The following SNX29 variants were observed in gnomAD, a reference collection of about 807,000 sequenced individuals.
The protein encoded by SNX29 is sorting nexin-29.
In SNX29, 78 loss-of-function variants were observed where a neutral mutation model predicts 102.1. The observed-to-expected ratio is 0.76, with a 90% CI of 0.64 to 0.92. SNX29 has a LOEUF of 0.92. Among genes scored for constraint, SNX29 ranks in the 40% least tolerant of loss-of-function variants. The pLI, the probability that SNX29 is intolerant of heterozygous loss-of-function variation, is 0.00. For missense variants in SNX29, 1,280 were observed against 1,061.7 expected, an observed-to-expected ratio of 1.21 and a Z score of -2.86; for synonymous variants, 580 against 414.5, an observed-to-expected ratio of 1.40 and a Z score of -4.85.
intron 14 of SNX29, among the ~76,000 whole-genome samples, chr16:12,266,473 C>T (rs1375172191): frequency 6.6e-6 from 1 of 152,116 alleles, no homozygotes; most frequent in African/African-American, 2.4e-5. Flanking sequence ...CCGTGGTCTA[C>T]CAGTCATCTC....
At chr16:12,199,761 T>G (rs1481955976) in intron 14 of SNX29, 78 bp downstream of exon 14, 1 of 1,193,372 alleles carries the variant, frequency 8.4e-7, no homozygotes, top group Non-Finnish European at 1.2e-6. Context: ...CAATAGACAC[T>G]CAATGTGTGA....
chr16:12,566,071 A>T (rs564510279), intron 20 of SNX29, among the ~76,000 whole-genome samples: 117 of 152,286 alleles, frequency 7.7e-4, no homozygotes, highest in Non-Finnish European at 1.1e-3. Context: ...TTGTCTCTCT[A>T]GGCACTTGAT....
At chr16:12,108,340 G>A (rs1388620836) in intron 11 of SNX29, among the ~76,000 whole-genome samples, 3 of 152,178 alleles carry the variant, frequency 2.0e-5, no homozygotes, top group Non-Finnish European at 4.4e-5. Context: ...TGCCAGGCCA[G>A]GGGGAGACTC....
intron 18 of SNX29, among the ~76,000 whole-genome samples, chr16:12,433,242 G>A (rs758571550): frequency 6.6e-6 from 1 of 152,160 alleles, no homozygotes; most frequent in African/African-American, 2.4e-5. Flanking sequence ...ATGTCTTGAG[G>A]GGAGATAATG....
intron 16 of SNX29, among the ~76,000 whole-genome samples, chr16:12,371,829 C>T (rs902649938): frequency 4.6e-5 from 7 of 152,196 alleles, no homozygotes; most frequent in African/African-American, 1.7e-4. Flanking sequence ...CAGGACCTGA[C>T]TCTCGCCTTC....
At chr16:12,461,381 G>A (rs181153518) in intron 18 of SNX29, among the ~76,000 whole-genome samples, 14 of 152,182 alleles carry the variant, frequency 9.2e-5, no homozygotes, top group African/African-American at 3.1e-4. Context: ...TTACTGTGAC[G>A]AGGGGTAGAG....
At chr16:12,546,389 A>AG (rs1414258609) in intron 20 of SNX29, 3 of 146,362 alleles carry the variant, frequency 2.0e-5, no homozygotes, top group Admixed American at 2.0e-4. Context: ...GTGGAAGGCA[A>AG]GGAGCAAGTC....
chr16:12,358,739 G>A (rs1230822861), intron 16 of SNX29, among the ~76,000 whole-genome samples: 5 of 152,242 alleles, frequency 3.3e-5, no homozygotes, highest in African/African-American at 4.8e-5. Context: ...CAGTCTGTTC[G>A]TCTTAGACCA....
At chr16:12,461,978 A>AATATATATAT (rs71139595) in intron 18 of SNX29, among the ~76,000 whole-genome samples, 44 of 27,340 alleles carry the variant, frequency 1.6e-3, no homozygotes, top group East Asian at 2.1e-3. Flanking sequence ...AAAAAAAAAA[A>AATATATATAT]ATATATATAT....
chr16:12,068,341 C>T (rs1353682824), intron 9 of SNX29, among the ~76,000 whole-genome samples: 4 of 151,622 alleles, frequency 2.6e-5, no homozygotes, highest in Non-Finnish European at 4.4e-5. Flanking sequence ...TAAATTAGCT[C>T]GGCATGGTGG....
intron 16 of SNX29, among the ~76,000 whole-genome samples, chr16:12,361,045 C>T (rs756669373): frequency 6.6e-6 from 1 of 152,220 alleles, no homozygotes; most frequent in Non-Finnish European, 1.5e-5. Flanking sequence ...GCCAAGGTTC[C>T]AGCATCCCTG....
intron 14 of SNX29, among the ~76,000 whole-genome samples, chr16:12,209,715 T>A (rs1300059839): frequency 6.6e-6 from 1 of 152,226 alleles, no homozygotes; most frequent in African/African-American, 2.4e-5. Flanking sequence ...CCCAACTGTC[T>A]GCTGCTCAGC....
chr16:12,559,162 G>C (rs746970984), intron 20 of SNX29, among the ~76,000 whole-genome samples: 7 of 152,102 alleles, frequency 4.6e-5, no homozygotes, highest in Non-Finnish European at 7.4e-5. Context: ...CCCAGTACCA[G>C]TCCATAGCCT....
At chr16:12,301,245 T>C (rs1272622001) in intron 15 of SNX29, among the ~76,000 whole-genome samples, 1 of 152,192 alleles carries the variant, frequency 6.6e-6, no homozygotes, top group Non-Finnish European at 1.5e-5. Flanking sequence ...TTGCCGGGAG[T>C]ACTACCAGTA....
intron 20 of SNX29, among the ~76,000 whole-genome samples, chr16:12,564,570 C>A (rs2078911435): frequency 6.6e-6 from 1 of 152,150 alleles, no homozygotes; most frequent in South Asian, 2.1e-4. Flanking sequence ...TTATGGATTG[C>A]CATCCAGACG....
chr16:12,199,871 C>G (rs2076870974), intron 14 of SNX29, among the ~76,000 whole-genome samples, 188 bp downstream of exon 14: 1 of 152,180 alleles, frequency 6.6e-6, no homozygotes, highest in Admixed American at 6.5e-5. Context: ...ACATGCATAA[C>G]TAGTATTGTA....
rs2081485905 is a variant in SNX29 at position 12,337,468 on chromosome 16, A to G, written c.1783-18695A>G. On this transcript the variant is annotated intron_variant, in intron 15 of 20. Transcript: ENST00000566228. ...GTGATCCTCCCACCTCAGCTTCCCC[A>G]GTAGCTGGGACTACAGGCACGTACC... Among the ~76,000 whole-genome samples, 9 of 152,122 alleles carry G rather than the reference A, an allele frequency of 5.9e-5. No individual in the cohort carries two copies. The South Asian group carries it at 1.9e-3, about 32-fold the overall frequency.
At chr16:12,399,463 C>T (rs867784941) in intron 17 of SNX29, among the ~76,000 whole-genome samples, 5 of 152,216 alleles carry the variant, frequency 3.3e-5, no homozygotes, top group Admixed American at 1.3e-4. Flanking sequence ...TAAGGTTCAG[C>T]ACCCGTTGGG....
At chr16:12,176,318 C>T (rs1360319914) in intron 13 of SNX29, among the ~76,000 whole-genome samples, 1 of 152,210 alleles carries the variant, frequency 6.6e-6, no homozygotes, top group Non-Finnish European at 1.5e-5. Flanking sequence ...CTTGGTTCTG[C>T]TGCTTAGCAG....
Sources: gnomAD v4.1 joint callset for allele counts (sites outside exome capture counted in the v4.1 genomes callset) on GRCh38, gnomAD v4.1.1 for gene constraint, MANE v1.5 for transcripts, NCBI Gene and HGNC (gene_info 2026-07-23, HGNC 2026-07-21) for gene names.